The following PARD3 variants were observed in gnomAD, a reference collection of about 807,000 sequenced individuals.
PARD3 encodes partitioning defective 3 homolog.
PARD3 carries 75 observed loss-of-function variants against 155.4 expected under a neutral mutation model. The observed-to-expected ratio is 0.48, with a 90% CI of 0.40 to 0.58. The LOEUF (loss-of-function observed/expected upper bound fraction) is 0.58. Ranked by LOEUF, PARD3 falls within the 20% of genes least tolerant of loss-of-function variation. The pLI, the probability that PARD3 is intolerant of heterozygous loss-of-function variation, is 0.00. For missense variants in PARD3, 1,642 were observed against 1,721.7 expected (o/e 0.95, Z 0.82); for synonymous variants, 576 against 610.5 (o/e 0.94, Z 0.83).
At chr10:34,313,200 C>CTGT (rs1461332081) in intron 20 of PARD3, among the ~76,000 whole-genome samples, 1 of 152,166 alleles carries the variant, frequency 6.6e-6, no homozygotes, top group Non-Finnish European at 1.5e-5. Flanking sequence ...ATCAAACATA[C>CTGT]ACAGACTCAA....
intron 12 of PARD3, among the ~76,000 whole-genome samples, chr10:34,365,950 G>GA (rs1839929098): frequency 1.3e-5 from 2 of 152,060 alleles, no homozygotes; most frequent in Admixed American, 1.3e-4. Flanking sequence ...ATATATATAT[G>GA]AAAAAATACA....
At chr10:34,257,127 G>A (rs1432374323) in intron 22 of PARD3, among the ~76,000 whole-genome samples, 1 of 152,128 alleles carries the variant, frequency 6.6e-6, no homozygotes, top group Non-Finnish European at 1.5e-5. Flanking sequence ...TTTACACCAA[G>A]GACTTAGGGT....
chr10:34,237,788 A>C (rs2133622655), intron 22 of PARD3, among the ~76,000 whole-genome samples: 1 of 152,294 alleles, frequency 6.6e-6, no homozygotes, highest in South Asian at 2.1e-4. Context: ...ATTGGGAATT[A>C]AGCATGTTGT....
At chr10:34,605,180 A>AAT (rs1564404124) in intron 2 of PARD3, among the ~76,000 whole-genome samples, 2 of 62,430 alleles carry the variant, frequency 3.2e-5, no homozygotes, top group Non-Finnish European at 2.9e-5. Context: ...CCAAAATGAA[A>AAT]TTTTTTTTTT....
intron 22 of PARD3, among the ~76,000 whole-genome samples, chr10:34,198,173 T>A (rs577669254): frequency 1.3e-5 from 2 of 151,728 alleles, no homozygotes; most frequent in Admixed American, 6.6e-5. Context: ...AGCAAATAGA[T>A]ACTTTCTAGC....
intron 2 of PARD3, among the ~76,000 whole-genome samples, chr10:34,555,138 G>A (rs767938530): frequency 3.9e-5 from 6 of 152,208 alleles, no homozygotes; most frequent in Non-Finnish European, 7.3e-5. Context: ...ATGTGTCCAT[G>A]TAGGTTCATC....
intron 17 of PARD3, among the ~76,000 whole-genome samples, chr10:34,336,576 A>AT (rs1308635994): frequency 6.6e-6 from 1 of 152,146 alleles, no homozygotes; most frequent in Admixed American, 6.6e-5. Flanking sequence ...AGAGAACAGC[A>AT]TAAGTTACAG....
intron 23 of PARD3, 100 bp from the exon 24 acceptor site, chr10:34,119,840 A>T: frequency 8.9e-7 from 1 of 1,122,722 alleles, no homozygotes; most frequent in Non-Finnish European, 1.2e-6. Context: ...GACTTTGAAA[A>T]TTTTGAAAAT....
chr10:34,687,846 C>T (rs76522975), intron 2 of PARD3, among the ~76,000 whole-genome samples: 63 of 63,688 alleles, frequency 9.9e-4, no homozygotes, highest in Middle Eastern at 0.036. Flanking sequence ...CACCTGAAAT[C>T]TTTTTTTTTT....
chr10:34,589,047 G>GTC (rs1200395314), intron 2 of PARD3, among the ~76,000 whole-genome samples: 1 of 152,126 alleles, frequency 6.6e-6, no homozygotes, highest in Non-Finnish European at 1.5e-5. Context: ...GTGATACCCT[G>GTC]TCTCTCTCTC....
intron 1 of PARD3, among the ~76,000 whole-genome samples, chr10:34,810,694 G>C (rs1380583518): frequency 6.6e-6 from 1 of 152,180 alleles, no homozygotes; most frequent in East Asian, 1.9e-4. Flanking sequence ...GGACACCTGG[G>C]AAAGTTCCCT....
At chr10:34,577,409 T>G (rs2086982408) in intron 2 of PARD3, among the ~76,000 whole-genome samples, 1 of 152,216 alleles carries the variant, frequency 6.6e-6, no homozygotes, top group Admixed American at 6.5e-5. Context: ...GACAACATTC[T>G]TAAATTAGCA....
chr10:34,204,196 G>A (rs1305623424), intron 22 of PARD3, among the ~76,000 whole-genome samples: 2 of 152,184 alleles, frequency 1.3e-5, no homozygotes, highest in Admixed American at 6.5e-5. Flanking sequence ...TGCAAGTACC[G>A]TGTGGAACCT....
At chr10:34,667,931 T>G (rs1258669932) in intron 2 of PARD3, among the ~76,000 whole-genome samples, 1 of 152,152 alleles carries the variant, frequency 6.6e-6, no homozygotes, top group Non-Finnish European at 1.5e-5. Context: ...TAAAGGGGAA[T>G]GAGAAGAAGG....
At chr10:34,697,056 C>CACACACA (rs1564520190) in intron 1 of PARD3, among the ~76,000 whole-genome samples, 96 of 148,058 alleles carry the variant, frequency 6.5e-4, no homozygotes, top group African/African-American at 2.4e-3. Flanking sequence ...ACACACACAC[C>CACACACA]CCCCTCAAAA....
intron 23 of PARD3, among the ~76,000 whole-genome samples, chr10:34,125,063 A>G (rs1431344325): frequency 7.3e-6 from 1 of 136,940 alleles, no homozygotes; most frequent in Non-Finnish European, 1.5e-5. Flanking sequence ...CTCCAGGTCT[A>G]TTTCTTTCTT....
chr10:34,202,957 C>A (rs118010449), intron 22 of PARD3, among the ~76,000 whole-genome samples: 4,584 of 152,232 alleles, frequency 0.03, 95 homozygotes, highest in Middle Eastern at 0.048. Context: ...CAATGTCTGG[C>A]ATCCTGAGAG....
chr10:34,237,477 G>GTATAT (rs1267644531), intron 22 of PARD3, among the ~76,000 whole-genome samples: 1 of 152,156 alleles, frequency 6.6e-6, no homozygotes, highest in African/African-American at 2.4e-5. Context: ...TAACAACCAT[G>GTATAT]ATAGTTTTTT....
chr10:34,560,684 A>G (rs2085395568), intron 2 of PARD3, among the ~76,000 whole-genome samples: 1 of 152,204 alleles, frequency 6.6e-6, no homozygotes, highest in African/African-American at 2.4e-5. Flanking sequence ...CAAGAATGGG[A>G]GCCTGTCTCC....
Sources: gnomAD v4.1 joint callset for allele counts (sites outside exome capture counted in the v4.1 genomes callset) on GRCh38, gnomAD v4.1.1 for gene constraint, MANE v1.5 for transcripts, NCBI Gene and HGNC (gene_info 2026-07-23, HGNC 2026-07-21) for gene names.